The following PLCB1 variants were observed in gnomAD, a reference collection of about 807,000 sequenced individuals.
The protein encoded by PLCB1 is phospholipase C beta 1.
In PLCB1, 46 loss-of-function variants were observed where a neutral mutation model predicts 161.8. That is an observed-to-expected ratio of 0.28 (90% CI 0.22 to 0.36). The LOEUF is 0.36. Among genes scored for constraint, PLCB1 ranks in the 10% least tolerant of loss-of-function variants. The pLI is 1.00. For missense variants in PLCB1, 1,016 were observed against 1,472.5 expected, an observed-to-expected ratio of 0.69 and a Z score of 5.07; for synonymous variants, 517 against 503.7, an observed-to-expected ratio of 1.03 and a Z score of -0.35.
chr20:8,667,592 G>A (rs1021258768), intron 9 of PLCB1, among the ~76,000 whole-genome samples: 5 of 152,188 alleles, frequency 3.3e-5, no homozygotes, highest in East Asian at 1.9e-4. Context: ...AGTGACCTCA[G>A]TGTCTGCTCA....
chr20:8,196,262 CA>C (rs1204878416), intron 2 of PLCB1, among the ~76,000 whole-genome samples: 1 of 152,112 alleles, frequency 6.6e-6, no homozygotes, highest in Non-Finnish European at 1.5e-5. Context: ...CACATTCTAT[CA>C]GACAGAAAAT....
intron 1 of PLCB1, among the ~76,000 whole-genome samples, chr20:8,148,400 T>C (rs1023150520): frequency 2.6e-5 from 4 of 152,230 alleles, no homozygotes; most frequent in Non-Finnish European, 5.9e-5. Context: ...TTTAAAATTC[T>C]AGCTGAAGTT....
At chr20:8,295,490 A>G (rs1983585556) in intron 2 of PLCB1, among the ~76,000 whole-genome samples, 3 of 152,128 alleles carry the variant, frequency 2.0e-5, no homozygotes, top group Non-Finnish European at 2.9e-5. Flanking sequence ...TATTTCAGTC[A>G]TGTTTACATC....
intron 3 of PLCB1, among the ~76,000 whole-genome samples, chr20:8,388,766 C>A (rs906801246): frequency 2.0e-5 from 3 of 151,892 alleles, no homozygotes; most frequent in Non-Finnish European, 1.5e-5. Flanking sequence ...TGTGTGCGTG[C>A]ATGTGTGTGT....
intron 2 of PLCB1, among the ~76,000 whole-genome samples, chr20:8,312,372 C>G (rs931067824): frequency 6.6e-6 from 1 of 152,090 alleles, no homozygotes; most frequent in Non-Finnish European, 1.5e-5. Flanking sequence ...GGGATCAGGC[C>G]AAAAACTGCA....
intron 31 of PLCB1, among the ~76,000 whole-genome samples, chr20:8,861,728 C>CAAAAAAA (rs35862889): frequency 1.8e-5 from 2 of 108,194 alleles, no homozygotes; most frequent in Admixed American, 9.9e-5. Flanking sequence ...GACTCTACCT[C>CAAAAAAA]AAAAAAAAAA....
At chr20:8,535,283 C>G (rs1600135486) in intron 3 of PLCB1, among the ~76,000 whole-genome samples, 1 of 139,654 alleles carries the variant, frequency 7.2e-6, no homozygotes, top group East Asian at 2.3e-4. Context: ...TTAACATATA[C>G]TATTTTGTTG....
intron 9 of PLCB1, among the ~76,000 whole-genome samples, chr20:8,675,441 C>T (rs911501724): frequency 6.6e-6 from 1 of 152,072 alleles, no homozygotes; most frequent in Non-Finnish European, 1.5e-5. Context: ...CTGCATACTT[C>T]TCATTAGAAA....
At chr20:8,327,616 C>T (rs780494246) in intron 2 of PLCB1, among the ~76,000 whole-genome samples, 7 of 152,152 alleles carry the variant, frequency 4.6e-5, no homozygotes, top group African/African-American at 7.2e-5. Flanking sequence ...GGCTTGTTAG[C>T]GGCCTCTTCC....
chr20:8,768,425 G>A (rs1013082308), intron 26 of PLCB1, among the ~76,000 whole-genome samples: 5 of 152,108 alleles, frequency 3.3e-5, no homozygotes, highest in South Asian at 2.1e-4. Flanking sequence ...TTAGATTCAG[G>A]TCCACCCTAA....
chr20:8,275,254 T>A (rs1054061130), intron 2 of PLCB1, among the ~76,000 whole-genome samples: 6 of 150,646 alleles, frequency 4.0e-5, no homozygotes, highest in African/African-American at 1.5e-4. Context: ...AGCGTGAGTG[T>A]GTGTGTGTGT....
At chr20:8,199,560 T>G (rs1181144343) in intron 2 of PLCB1, among the ~76,000 whole-genome samples, 1 of 152,158 alleles carries the variant, frequency 6.6e-6, no homozygotes, top group African/African-American at 2.4e-5. Context: ...TAAGTTATTT[T>G]TCCTATTATT....
At chr20:8,749,979 T>C (rs1981370721) in intron 23 of PLCB1, among the ~76,000 whole-genome samples, 1 of 152,070 alleles carries the variant, frequency 6.6e-6, no homozygotes, top group Admixed American at 6.5e-5. Context: ...AAAACCCAAC[T>C]ATGTGTCAGT....
chr20:8,160,055 T>C (rs1430406158), intron 2 of PLCB1, among the ~76,000 whole-genome samples: 1 of 151,412 alleles, frequency 6.6e-6, no homozygotes, highest in Admixed American at 6.6e-5. Flanking sequence ...CATCTCTCTC[T>C]AGTTCAAAGT....
rs7260797 is a variant in PLCB1 at position 8,591,873 on chromosome 20, G to A, written c.247-36421G>A. On this transcript the variant is annotated intron_variant, in intron 3 of 31. Transcript: ENST00000338037. ...CCCAAATATTACAGTAACAATAACC[G>A]GTACAGCTTGGGTATCCCATATCTG... Among the ~76,000 whole-genome samples the A allele has an allele frequency of 6.8e-3, 1,042 of 152,128 alleles. 9 individuals carry two copies. Among genetic ancestry groups the A allele is most frequent in the African/African-American group, 0.024 (981 of 41,492 alleles).
At chr20:8,838,415 G>T (rs1986372977) in intron 31 of PLCB1, among the ~76,000 whole-genome samples, 1 of 152,198 alleles carries the variant, frequency 6.6e-6, no homozygotes, top group African/African-American at 2.4e-5. Context: ...TAGGGCTAAT[G>T]GAGGTCAGGT....
intron 2 of PLCB1, among the ~76,000 whole-genome samples, chr20:8,172,877 G>C (rs2051746694): frequency 6.6e-6 from 1 of 152,208 alleles, no homozygotes. Context: ...CCCCCAGCCA[G>C]TAAAAGAAGG....
intron 25 of PLCB1, among the ~76,000 whole-genome samples, chr20:8,761,067 A>G (rs1422003554): frequency 1.3e-5 from 2 of 152,214 alleles, no homozygotes; most frequent in Admixed American, 6.5e-5. Context: ...CCCAATGTCC[A>G]TCAGCTGTAA....
chr20:8,142,879 C>T (rs2051418011), intron 1 of PLCB1, among the ~76,000 whole-genome samples: 1 of 152,188 alleles, frequency 6.6e-6, no homozygotes. Context: ...CCTTTCTCCA[C>T]TCCTCGTTTA....
Sources: gnomAD v4.1 joint callset for allele counts (sites outside exome capture counted in the v4.1 genomes callset) on GRCh38, gnomAD v4.1.1 for gene constraint, MANE v1.5 for transcripts, NCBI Gene and HGNC (gene_info 2026-07-23, HGNC 2026-07-21) for gene names.